Variants in ADCY4 observed in about 807,000 individuals in gnomAD.
The protein encoded by ADCY4 is adenylate cyclase 4.
A neutral mutation model predicts 125.5 loss-of-function variants in ADCY4; 111 were observed. The ratio of observed to expected loss-of-function variants is 0.88; its 90% CI spans 0.76 to 1.04. ADCY4 has a LOEUF of 1.04. ADCY4 is among the 50% of genes least tolerant of loss of function. The pLI is 0.00. For missense variants in ADCY4, 1,256 were observed against 1,382.9 expected (o/e 0.91, Z 1.46); for synonymous variants, 576 against 586.9 (o/e 0.98, Z 0.27).
Position 24,331,082 on chromosome 14 carries a change from C to T in ADCY4, c.866G>A (p.Cys289Tyr). 6.2e-7 allele frequency: 1 copy of T among 1,613,592 alleles called. No homozygotes were observed. The highest frequency in any genetic ancestry group is 8.5e-7 in the Non-Finnish European group (1 of 1,179,566). ...IVGFTRLASE[C>Y]SPKELVLMLN... is the part of the protein sequence containing the mutation. ...CATGAGCACCAGCTCCTTAGGGGAA[C>T]ACTCGCTGGCCAGCCGCGTGAAGCC... Residue 289 changes from cysteine (C) to tyrosine (Y), a missense_variant, in exon 6 of 25, where the codon TGT (cysteine) becomes TAT (tyrosine). Physicochemically the swap from Cys to Tyr is radical, Grantham distance 194. Transcript: ENST00000418030.
chr14:24,324,492 T>TG, intron 14 of ADCY4, 101 bp from the exon 15 acceptor site: 1 of 1,350,082 alleles, frequency 7.4e-7, no homozygotes, highest in Non-Finnish European at 1.0e-6. Context: ...GAAGTGGTTC[T>TG]GGGGAATCTG....
In ADCY4 at chr14:24,325,377, C is replaced by T. The variant is rs764977259; in HGVS notation, c.1823G>A (p.Arg608Lys). Reference sequence around the variant, plus strand: ...CCTCCTTTGCCTGGGGCACTCTCACCTGTTTGTCACTAGCATCTGGATGAT... The same window carrying T: ...CCTCCTTTGCCTGGGGCACTCTCACTTGTTTGTCACTAGCATCTGGATGAT... Reference protein sequence around the residue: ...NFIIQMLVTNRPPALAITYSI... With the variant: ...NFIIQMLVTNKPPALAITYSI... Residue 608 changes from arginine (R) to lysine (K), a missense_variant and splice_region_variant, in exon 14 of 25, where the codon AGG becomes AAG. Physicochemically the swap from Arg to Lys is conservative, Grantham distance 26. Transcript: ENST00000418030. 1 of 1,613,208 alleles carries T rather than the reference C, an allele frequency of 6.2e-7. No individual in the cohort carries two copies. The highest frequency in any genetic ancestry group is 1.1e-5 in the South Asian group (1 of 91,064).
intron 10 of ADCY4, among the ~76,000 whole-genome samples, chr14:24,326,866 T>C (rs2041954751): frequency 6.7e-6 from 1 of 149,320 alleles, no homozygotes; most frequent in African/African-American, 2.5e-5. Flanking sequence ...AGTGCTGGGA[T>C]TATAGGCATG....
chr14:24,332,469 C>G (rs766580501), intron 3 of ADCY4, 53 bp downstream of exon 3: 1 of 1,532,588 alleles, frequency 6.5e-7, no homozygotes. Flanking sequence ...AAGGAGCCTA[C>G]TAGCACGTGG....
At chr14:24,323,480 AG>A in intron 16 of ADCY4, 26 bp from the exon 17 acceptor site, 1 of 1,551,050 alleles carries the variant, frequency 6.4e-7, no homozygotes, top group East Asian at 2.4e-5. Flanking sequence ...GGAGTTGAAG[AG>A]GCAGGTAGCT....
intron 10 of ADCY4, among the ~76,000 whole-genome samples, chr14:24,326,896 A>ATTTT (rs3078135): frequency 0.46 from 50,040 of 109,256 alleles, 13,674 homozygotes; most frequent in Middle Eastern, 0.59. Context: ...ACCTGGCTGG[A>ATTTT]TTTTTTTTTT....
intron 3 of ADCY4, chr14:24,332,270 T>C: frequency 2.2e-6 from 1 of 445,386 alleles, no homozygotes; most frequent in Non-Finnish European, 3.9e-6. Flanking sequence ...TCTGTCAAGG[T>C]TTCATTAACC....
intron 10 of ADCY4, among the ~76,000 whole-genome samples, chr14:24,326,896 A>ATTTTTTTTTTTTT (rs3078135): frequency 9.1e-6 from 1 of 109,940 alleles, no homozygotes. Flanking sequence ...ACCTGGCTGG[A>ATTTTTTTTTTTTT]TTTTTTTTTT....
At chr14:24,326,606 TG>T (rs920709057) in intron 10 of ADCY4, 14 of 432,160 alleles carry the variant, frequency 3.2e-5, no homozygotes, top group Non-Finnish European at 5.9e-5. Context: ...TGTGTGTGTG[TG>T]TGTGTGTGAC....
chr14:24,329,968 T>G lies in ADCY4; in HGVS notation c.1109A>C (p.His370Pro). 3 of 1,614,094 alleles carry G rather than the reference T, an allele frequency of 1.9e-6. No homozygotes were observed. The highest frequency in any genetic ancestry group is 1.7e-6 in the Non-Finnish European group (2 of 1,179,996). The change falls in exon 8 of 25, where the codon CAC becomes CCC. Residue 370 changes from histidine (H) to proline (P), a missense_variant. Transcript: ENST00000418030. ...GVDINMRVGV[H>P]SGSVLCGVIG... ...GACTCCACACAGTACGCTGCCTGAG[T>G]GCACGCCCACACGCATGTTGATGTC...
At chr14:24,321,417 C>G (rs148919101) in intron 20 of ADCY4, among the ~76,000 whole-genome samples, 150 of 151,478 alleles carry the variant, frequency 9.9e-4, no homozygotes, top group African/African-American at 3.5e-3. Context: ...GAGAGTGAAA[C>G]TCTGTTGCAC....
At position 24,330,344 on chromosome 14, in the gene ADCY4, AG is replaced by A. The variant is rs746019857; in HGVS notation, c.931-50del. 12 of 1,606,454 alleles carry A rather than the reference AG, an allele frequency of 7.5e-6. No individual in the cohort carries two copies. The South Asian group carries it at 1.2e-4, about 16-fold the overall frequency. ...CAGAGGAACCTGGTTAGAGGTCAGA[AG>A]GGTAGGAGGGAGTTGGGAAAAGTGG... On this transcript the variant is annotated intron_variant, in intron 6 of 24. Coordinates refer to ENST00000418030, the MANE Select transcript of ADCY4 (RefSeq NM_001198568.2).
intron 16 of ADCY4, chr14:24,323,711 C>T (rs549079792): frequency 2.2e-6 from 3 of 1,345,506 alleles, no homozygotes; most frequent in Admixed American, 3.2e-5. Flanking sequence ...CTCTCTGGGC[C>T]TTAGTTTCTT....
intron 18 of ADCY4, 91 bp from the exon 19 acceptor site, chr14:24,322,799 T>C: frequency 2.6e-6 from 4 of 1,548,246 alleles, no homozygotes; most frequent in Non-Finnish European, 3.5e-6. Flanking sequence ...CCCTCCCACT[T>C]TGCCCTGTGG....
intron 4 of ADCY4, 42 bp downstream of exon 4, chr14:24,331,746 C>T: frequency 1.3e-6 from 2 of 1,502,180 alleles, no homozygotes; most frequent in South Asian, 1.3e-5. Flanking sequence ...TAAGCAACTC[C>T]TCCCTCGGAG....
At chr14:24,329,601 C>T (rs2042008238) in intron 8 of ADCY4, 68 bp from the exon 9 acceptor site, 2 of 1,494,740 alleles carry the variant, frequency 1.3e-6, no homozygotes, top group Admixed American at 2.4e-5. Context: ...TGCCCCATCA[C>T]CCCCATGGCT....
intron 9 of ADCY4, 76 bp downstream of exon 9, chr14:24,329,325 C>T: frequency 1.3e-6 from 2 of 1,572,360 alleles, no homozygotes; most frequent in Non-Finnish European, 1.7e-6. Context: ...CAATCTCTGG[C>T]ACAGAAGAGA....
In ADCY4 at chr14:24,319,789, G is replaced by C; in HGVS notation, c.2686C>G (p.Leu896Val). 6.2e-7 allele frequency: 1 copy of C among 1,614,178 alleles called. No individual in the cohort carries two copies. Among genetic ancestry groups the C allele is most frequent in the Non-Finnish European group, 8.5e-7 (1 of 1,180,030 alleles). Reference protein sequence around the residue: ...YSESNINHEGLECLRLLNEII... With the variant: ...YSESNINHEGVECLRLLNEII... ...TCATTGAGCAGCCTCAGACACTCTA[G>C]GCCCTCATGATTGATGTTGGATTCA... The change falls in exon 21 of 25, where the codon CTA becomes GTA. Residue 896 changes from leucine (L) to valine (V), a missense_variant. By Grantham distance (32) the Leu-to-Val change is conservative. Transcript: ENST00000418030. This position sits in a 1 kb window ranked among gnomAD's most constrained non-coding sequence, Gnocchi z 4.5.
At position 24,319,514 on chromosome 14, in the gene ADCY4, T is replaced by G; in HGVS notation, c.2734-78A>C. ...TCTCCCAGAAGCCCAGCCCCAAGCC[T>G]TTGGAGTTAAAGGATCAGGCTGTGG... On this transcript the variant is annotated intron_variant, in intron 21 of 24. Coordinates refer to ENST00000418030, the MANE Select transcript of ADCY4 (RefSeq NM_001198568.2). This position sits in a 1 kb window ranked among gnomAD's most constrained non-coding sequence, Gnocchi z 4.5. The G allele has an allele frequency of 6.8e-7, 1 of 1,473,700 alleles. No homozygotes were observed. The highest frequency in any genetic ancestry group is 1.4e-5 in the African/African-American group (1 of 71,726). The allele number at this position is 1,473,700 out of a possible 1,614,324, so 91.3% of individuals were successfully genotyped here. A position where few individuals can be genotyped will look rare whatever the true frequency, so the allele number is the denominator to read the frequency against.
Sources: allele counts gnomAD v4.1 joint callset (sites outside exome capture counted in the v4.1 genomes callset), GRCh38; gene constraint gnomAD v4.1.1; non-coding constraint Gnocchi (gnomAD v3.1); transcripts MANE v1.5; gene names NCBI Gene and HGNC (gene_info 2026-07-23, HGNC 2026-07-21).